PCDHA10: variants seen among roughly 807,000 people sequenced by gnomAD.
The protein encoded by PCDHA10 is protocadherin alpha 10.
A neutral mutation model predicts 61.2 loss-of-function variants in PCDHA10; 45 were observed. That is an observed-to-expected ratio of 0.74 (90% confidence interval 0.58 to 0.94). The LOEUF (loss-of-function observed/expected upper bound fraction) is 0.94. Ranked by LOEUF, PCDHA10 falls within the 40% of genes least tolerant of loss-of-function variation. PCDHA10 has a pLI of 0.00. For missense variants in PCDHA10, 1,278 were observed against 1,236.2 expected, an observed-to-expected ratio of 1.03 and a Z score of -0.51; for synonymous variants, 602 against 548.8, an observed-to-expected ratio of 1.10 and a Z score of -1.35.
chr5:140,878,350 T>C (rs932815141), intron 1 of PCDHA10, among the ~76,000 whole-genome samples: 1 of 152,250 alleles, frequency 6.6e-6, no homozygotes, highest in Non-Finnish European at 1.5e-5. Context: ...CACAATAATA[T>C]AAATGATATG....
Position 140,984,851 on chromosome 5 carries a change from A to G in PCDHA10, c.2536+2288A>G, listed in dbSNP as rs986424116. Among the ~76,000 whole-genome samples the G allele has an allele frequency of 2.6e-5, 4 of 152,200 alleles. No individual in the cohort carries two copies. In the South Asian group the frequency reaches 6.2e-4, roughly 24 times the overall value. ...TTTCTGTAAATTGGGTGTAGTAATA[A>G]TAATAACACCTATTTTATTGAGTTA... On this transcript the variant is annotated intron_variant, in intron 3 of 3. Coordinates refer to ENST00000307360, the MANE Select transcript of PCDHA10 (RefSeq NM_018901.4).
At chr5:140,967,823 G>A in intron 1 of PCDHA10, 2 of 1,614,162 alleles carry the variant, frequency 1.2e-6, no homozygotes, top group Non-Finnish European at 8.5e-7. Context: ...CAAGGTGCTG[G>A]TGGACATCGT....
chr5:140,999,450 A>G (rs2097858332), intron 3 of PCDHA10, among the ~76,000 whole-genome samples: 1 of 152,198 alleles, frequency 6.6e-6, no homozygotes, highest in Admixed American at 6.5e-5. Flanking sequence ...TATTCGTTCA[A>G]CGAATAAGTG....
chr5:140,872,448 G>A (rs1164382380), intron 1 of PCDHA10, among the ~76,000 whole-genome samples: 2 of 151,992 alleles, frequency 1.3e-5, no homozygotes, highest in South Asian at 2.1e-4. Flanking sequence ...ACAACATAGC[G>A]AGATCCTGTC....
rs781871079 is a variant in PCDHA10, at chr5:140,857,427, C to T, written c.1379C>T (p.Thr460Met). 3 of 1,598,334 alleles carry T rather than the reference C, an allele frequency of 1.9e-6. No individual in the cohort carries two copies. In the East Asian group the frequency reaches 6.7e-5, roughly 36 times the overall value. The part of the protein sequence containing the change: ...NAPAFAQSEY[T>M]VFVKENNPPG... ...CCTGCGTTCGCGCAGTCCGAGTACA[C>T]GGTGTTCGTGAAGGAGAACAACCCG... Residue 460 changes from threonine to methionine, a missense_variant, in exon 1 of 4, where the codon ACG (threonine) becomes ATG (methionine). Coordinates refer to ENST00000307360, the MANE Select transcript of PCDHA10 (RefSeq NM_018901.4).
intron 1 of PCDHA10, among the ~76,000 whole-genome samples, chr5:140,911,441 T>C (rs2075476385): frequency 6.6e-6 from 1 of 152,154 alleles, no homozygotes. Context: ...TTTCCCGCAA[T>C]TTCAGCTCTT....
rs939986849 is a variant in PCDHA10, at chr5:140,871,330, G to T, written c.2388+12894G>T. 10 of 1,613,998 alleles carry T rather than the reference G, an allele frequency of 6.2e-6. No homozygotes were observed. Among genetic ancestry groups the T allele is most frequent in the Non-Finnish European group, 8.5e-6 (10 of 1,180,034 alleles). On this transcript the variant is annotated intron_variant, in intron 1 of 3. Transcript: ENST00000307360. The stretch of plus-strand genomic sequence containing the variant: ...GAAGCCCACGCTGGTGTGCTCCCGC[G>T]CGGTGGGGAGCTGGTCATACTCGCA...
At chr5:140,858,685 T>C in intron 1 of PCDHA10, 1 of 595,990 alleles carries the variant, frequency 1.7e-6, no homozygotes, top group Non-Finnish European at 2.8e-6. Flanking sequence ...AATACACTAA[T>C]ATTTTCCAAT....
At chr5:140,940,101 G>A (rs754155361) in intron 1 of PCDHA10, among the ~76,000 whole-genome samples, 23 of 152,148 alleles carry the variant, frequency 1.5e-4, no homozygotes, top group Non-Finnish European at 3.2e-4. Flanking sequence ...AACTTTTAGC[G>A]TTATGTATTA....
At chr5:140,898,622 A>C (rs1286354840) in intron 1 of PCDHA10, among the ~76,000 whole-genome samples, 1 of 152,172 alleles carries the variant, frequency 6.6e-6, no homozygotes, top group Admixed American at 6.5e-5. Context: ...GTCAGGTAGC[A>C]TAATGCCTCC....
chr5:140,983,900 G>T (rs1345141422), intron 3 of PCDHA10, among the ~76,000 whole-genome samples: 1 of 152,198 alleles, frequency 6.6e-6, no homozygotes, highest in Admixed American at 6.5e-5. Context: ...GGCATTCGTT[G>T]ATTCTAATCA....
chr5:140,875,864 C>G (rs781972677), intron 1 of PCDHA10: 2 of 1,614,168 alleles, frequency 1.2e-6, no homozygotes, highest in South Asian at 1.1e-5. Context: ...GACAACCCGC[C>G]GGTGTTCAGA....
At chr5:140,879,086 A>G (rs1182722619) in intron 1 of PCDHA10, among the ~76,000 whole-genome samples, 2 of 152,226 alleles carry the variant, frequency 1.3e-5, no homozygotes, top group Admixed American at 6.5e-5. Context: ...ATAAGTAGGA[A>G]CAACTGCACA....
At chr5:140,903,873 A>G (rs1173905704) in intron 1 of PCDHA10, among the ~76,000 whole-genome samples, 2 of 152,204 alleles carry the variant, frequency 1.3e-5, no homozygotes, top group Non-Finnish European at 2.9e-5. Context: ...GTAAAATGAC[A>G]AAGACATTGA....
intron 1 of PCDHA10, chr5:140,870,784 G>A: frequency 6.2e-7 from 1 of 1,613,574 alleles, no homozygotes; most frequent in South Asian, 1.1e-5. Context: ...GAACGACAAC[G>A]CGCCGGCACT....
rs370812126 is a variant in PCDHA10, at chr5:140,869,802, G to A, written c.2388+11366G>A. On this transcript the variant is annotated intron_variant, in intron 1 of 3. Coordinates refer to ENST00000307360, the MANE Select transcript of PCDHA10 (RefSeq NM_018901.4). ...CCGTTCGGCTGTTAGTCCAAGTCTT[G>A]GATGTCAACGACAATGATCCAGAGT... 12 of 1,612,438 alleles carry A rather than the reference G, an allele frequency of 7.4e-6. No homozygotes were observed. The African/African-American group carries it at 1.3e-4, about 18-fold the overall frequency.
chr5:140,944,410 C>G (rs1339076109), intron 1 of PCDHA10, among the ~76,000 whole-genome samples: 1 of 152,272 alleles, frequency 6.6e-6, no homozygotes, highest in Middle Eastern at 3.4e-3. Flanking sequence ...TGGTCTCGAA[C>G]TCCTGATCTG....
chr5:140,906,456 G>T (rs527287837), intron 1 of PCDHA10, among the ~76,000 whole-genome samples: 1 of 152,278 alleles, frequency 6.6e-6, no homozygotes, highest in African/African-American at 2.4e-5. Context: ...ATAAAATGAA[G>T]ATATTTTCTT....
At chr5:140,863,648 T>C (rs2048105633) in intron 1 of PCDHA10, 2 of 299,994 alleles carry the variant, frequency 6.7e-6, no homozygotes, top group Non-Finnish European at 1.3e-5. Context: ...AAGTTATTAA[T>C]TTGATTGCTT....
Sources: gnomAD v4.1 joint callset for allele counts (sites outside exome capture counted in the v4.1 genomes callset) on GRCh38, gnomAD v4.1.1 for gene constraint, MANE v1.5 for transcripts, NCBI Gene and HGNC (gene_info 2026-07-23, HGNC 2026-07-21) for gene names.